Variants in CCDC28A observed in about 807,000 individuals in gnomAD.
The protein encoded by CCDC28A is coiled-coil domain-containing protein 28A.
A neutral mutation model predicts 22.1 loss-of-function variants in CCDC28A; 24 were observed. The ratio of observed to expected loss-of-function variants is 1.09; its 90% CI spans 0.79 to 1.53. CCDC28A has a LOEUF of 1.53. CCDC28A is among the 40% of genes most tolerant of loss of function. The pLI is 0.00. For synonymous variants in CCDC28A, 83 were observed against 74.7 expected, an observed-to-expected ratio of 1.11 and a Z score of -0.57; for missense variants, 170 against 210.7, an observed-to-expected ratio of 0.81 and a Z score of 1.20.
intron 4 of CCDC28A, among the ~76,000 whole-genome samples, chr6:138,785,860 A>G (rs1775087459): frequency 6.6e-6 from 1 of 152,230 alleles, no homozygotes; most frequent in Non-Finnish European, 1.5e-5. Flanking sequence ...TATAGAAGAT[A>G]GTGGTGAAAA....
At chr6:138,790,364 TG>T (rs1341335768) in intron 5 of CCDC28A, among the ~76,000 whole-genome samples, 1 of 152,342 alleles carries the variant, frequency 6.6e-6, no homozygotes, top group Admixed American at 6.5e-5. Flanking sequence ...TTGGCCAGGC[TG>T]GTCTTGAACT....
chr6:138,785,483 C>T lies in CCDC28A; in HGVS notation c.477+102C>T, dbSNP rs1583523726. 2.4e-5 allele frequency: 20 copies of T among 819,586 alleles called. No homozygotes were observed. In the East Asian group the frequency reaches 3.8e-4, roughly 16 times the overall value. 50.8% of individuals were successfully genotyped at this position (819,586 alleles called of 1,614,324 possible). ...ATGTATACAATCACGTGGTTGCTAGCGTATTCACAGTGTTGTGCCGATCGC... is the reference window on the plus strand; with the variant it reads ...ATGTATACAATCACGTGGTTGCTAGTGTATTCACAGTGTTGTGCCGATCGC... On this transcript the variant is annotated intron_variant, in intron 4 of 5. Coordinates refer to ENST00000617445, the MANE Select transcript of CCDC28A (RefSeq NM_015439.3).
rs940545693 is a variant in CCDC28A, at chr6:138,774,010, T to C, written c.-43+108T>C. Reference sequence around the variant, plus strand: ...GGTGAAGGGTCATCGCTTCGGTAGATTGGGGAAGGGGAATGAGGTGATGTC... The same window carrying C: ...GGTGAAGGGTCATCGCTTCGGTAGACTGGGGAAGGGGAATGAGGTGATGTC... On this transcript the variant is annotated intron_variant, in intron 1 of 5. Coordinates refer to ENST00000617445, the MANE Select transcript of CCDC28A (RefSeq NM_015439.3). 1.0e-5 allele frequency: 14 copies of C among 1,348,138 alleles called. No individual in the cohort carries two copies. In the South Asian group the frequency reaches 1.1e-4, roughly 11 times the overall value. The allele number at this position is 1,348,138 out of a possible 1,614,324, so 83.5% of individuals were successfully genotyped here.
chr6:138,788,522 C>T (rs1043968849), intron 5 of CCDC28A, 134 bp downstream of exon 5: 10 of 429,406 alleles, frequency 2.3e-5, no homozygotes, highest in Admixed American at 1.1e-4. Flanking sequence ...TCACTAGGGC[C>T]GTCACTCTTC....
At chr6:138,774,410 G>A (rs1774894008) in intron 1 of CCDC28A, among the ~76,000 whole-genome samples, 1 of 152,132 alleles carries the variant, frequency 6.6e-6, no homozygotes, top group Non-Finnish European at 1.5e-5. Flanking sequence ...TCTCTATTCA[G>A]TCATCTTTCA....
chr6:138,779,792 T>A (rs1765266056), intron 2 of CCDC28A, 30 bp from the exon 3 acceptor site: 1 of 1,574,368 alleles, frequency 6.4e-7, no homozygotes. Flanking sequence ...TAGAATAGCC[T>A]AAAAAGCCTA....
intron 4 of CCDC28A, among the ~76,000 whole-genome samples, chr6:138,785,749 G>T (rs886963516): frequency 1.3e-5 from 2 of 152,036 alleles, no homozygotes; most frequent in Non-Finnish European, 2.9e-5. Context: ...TTCCAACAAA[G>T]TTATCGTATT....
At position 138,773,790 on chromosome 6, in the gene CCDC28A, G is replaced by A. The variant is rs558895542; in HGVS notation, c.-155G>A. Reference sequence around the variant, plus strand: ...TTCCGTAAACAAACGGAGCTGCGGAGGAGCGGGTCCCGGGATGTGACCGGG... The same window carrying A: ...TTCCGTAAACAAACGGAGCTGCGGAAGAGCGGGTCCCGGGATGTGACCGGG... On this transcript the variant is annotated 5_prime_UTR_variant, in exon 1 of 6. Transcript: ENST00000617445. The A allele has an allele frequency of 2.4e-5, 38 of 1,613,854 alleles. No individual in the cohort carries two copies. The East Asian group carries it at 4.9e-4, about 21-fold the overall frequency.
At chr6:138,788,439 G>A (rs1775124488) in intron 5 of CCDC28A, 51 bp downstream of exon 5, 1 of 912,786 alleles carries the variant, frequency 1.1e-6, no homozygotes, top group Middle Eastern at 2.7e-4. Flanking sequence ...TACAATTTCT[G>A]GTGAATAATC....
chr6:138,780,693 A>G (rs1279348158), intron 3 of CCDC28A, among the ~76,000 whole-genome samples: 7 of 150,272 alleles, frequency 4.7e-5, no homozygotes, highest in Non-Finnish European at 1.0e-4. Flanking sequence ...TCCTGCCTCA[A>G]CCTCCCCAGT....
At chr6:138,775,269 G>C (rs1774912833) in intron 1 of CCDC28A, among the ~76,000 whole-genome samples, 1 of 152,222 alleles carries the variant, frequency 6.6e-6, no homozygotes. Flanking sequence ...TTAGAAAATA[G>C]AGCGGATTAA....
At chr6:138,786,176 C>T (rs1775092369) in intron 4 of CCDC28A, among the ~76,000 whole-genome samples, 2 of 152,326 alleles carry the variant, frequency 1.3e-5, no homozygotes, top group East Asian at 1.9e-4. Flanking sequence ...AAGTGTCCAA[C>T]TTTGCTTTTC....
At chr6:138,776,683 C>CAT (rs972844588) in intron 2 of CCDC28A, among the ~76,000 whole-genome samples, 42 of 150,790 alleles carry the variant, frequency 2.8e-4, no homozygotes, top group African/African-American at 9.5e-4. Context: ...TACACACACA[C>CAT]ATATATATAT....
Position 138,793,139 on chromosome 6 carries a change from A to G in CCDC28A, c.*336A>G. On this transcript the variant is annotated 3_prime_UTR_variant, in exon 6 of 6. Coordinates refer to ENST00000617445, the MANE Select transcript of CCDC28A (RefSeq NM_015439.3). ...GGATTTCTCTTTCCTGAGCTCACCA[A>G]ACTTATTCCAGTGTTGATCGCAAGC... 1 of 256,486 alleles carries G rather than the reference A, an allele frequency of 3.9e-6. No individual in the cohort carries two copies. The highest frequency in any genetic ancestry group is 7.6e-6 in the Non-Finnish European group (1 of 132,040). 15.9% of individuals were successfully genotyped at this position (256,486 alleles called of 1,614,324 possible).
At position 138,781,322 on chromosome 6, in the gene CCDC28A, G is replaced by T. The variant is rs543545683; in HGVS notation, c.322+1337G>T. Among the ~76,000 whole-genome samples, 10 of 152,176 alleles carry T rather than the reference G, an allele frequency of 6.6e-5. No homozygotes were observed. In the South Asian group the frequency reaches 2.1e-3, roughly 32 times the overall value. On this transcript the variant is annotated intron_variant, in intron 3 of 5. Coordinates refer to ENST00000617445, the MANE Select transcript of CCDC28A (RefSeq NM_015439.3). ...TATTCAACTATGTCCCTATTGAGAG[G>T]CATTACTTTGTTTCTCATTTTGAGC...
chr6:138,792,786 A>G lies in CCDC28A; in HGVS notation c.538A>G (p.Asn180Asp). 6.2e-7 allele frequency: 1 copy of G among 1,608,836 alleles called. No individual in the cohort carries two copies. Among genetic ancestry groups the G allele is most frequent in the African/African-American group, 1.3e-5 (1 of 74,996 alleles). The change falls in exon 6 of 6, where the codon AAT becomes GAT. Residue 180 changes from asparagine to aspartate, a missense_variant. Coordinates refer to ENST00000617445, the MANE Select transcript of CCDC28A (RefSeq NM_015439.3). ...LHLADAQDVP[N>D]TSAS The stretch of plus-strand genomic sequence containing the variant: ...TTTGGCAGATGCACAAGATGTTCCA[A>G]ATACTTCTGCTAGCTAAAATGAAAT...
At chr6:138,789,274 CCCCTTTGAA>C (rs1285966824) in intron 5 of CCDC28A, among the ~76,000 whole-genome samples, 2 of 152,128 alleles carry the variant, frequency 1.3e-5, no homozygotes, top group Non-Finnish European at 2.9e-5. Flanking sequence ...AGTAAGACAT[CCCCTTTGAA>C]CCAGTTATTG....
At chr6:138,785,152 A>C (rs1238623640) in intron 3 of CCDC28A, 75 bp from the exon 4 acceptor site, 4 of 876,322 alleles carry the variant, frequency 4.6e-6, no homozygotes, top group Non-Finnish European at 6.9e-6. Context: ...GAGCACCTAG[A>C]GTTTAAGTGT....
chr6:138,792,558 CA>C (rs35625514), intron 5 of CCDC28A, among the ~76,000 whole-genome samples, 190 bp from the exon 6 acceptor site: 90,565 of 151,750 alleles, frequency 0.6, 28,181 homozygotes, highest in East Asian at 0.89. Flanking sequence ...AAATTCTAGA[CA>C]AGAGTATAAT....
Sources: allele counts gnomAD v4.1 joint callset (sites outside exome capture counted in the v4.1 genomes callset), GRCh38; gene constraint gnomAD v4.1.1; transcripts MANE v1.5; gene names NCBI Gene and HGNC (gene_info 2026-07-23, HGNC 2026-07-21).